Variants in MGAM observed in about 807,000 individuals in gnomAD.
The protein encoded by MGAM is maltase-glucoamylase.
Under a neutral mutation model 358.8 loss-of-function variants are expected in MGAM, and 253 were observed. The observed-to-expected ratio is 0.71, with a 90% CI of 0.64 to 0.78. The LOEUF is 0.78. Ranked by LOEUF, MGAM falls within the 30% of genes least tolerant of loss-of-function variation. MGAM has a pLI of 0.00. For synonymous variants in MGAM, 1,105 were observed against 1,227.1 expected (o/e 0.90, Z 2.08); for missense variants, 3,080 against 3,432.6 (o/e 0.90, Z 2.57).
chr7:142,040,952 G>A, intron 21 of MGAM, 106 bp downstream of exon 21: 1 of 1,356,020 alleles, frequency 7.4e-7, no homozygotes, highest in East Asian at 2.5e-5. Flanking sequence ...TCTTTGGTTT[G>A]GCCACGACTG....
intron 21 of MGAM, among the ~76,000 whole-genome samples, chr7:142,045,159 TATA>T (rs1809926800): frequency 2.8e-5 from 3 of 107,278 alleles, no homozygotes; most frequent in African/African-American, 1.1e-4. Flanking sequence ...ATATGTGATA[TATA>T]ATATATATAT....
At chr7:142,022,059 G>C (rs539433405) in intron 6 of MGAM, among the ~76,000 whole-genome samples, 9 of 152,124 alleles carry the variant, frequency 5.9e-5, no homozygotes, top group African/African-American at 1.9e-4. Context: ...GTCTGGTCTG[G>C]GAGACTAATG....
At chr7:142,069,095 T>C (rs73524513) in intron 43 of MGAM, among the ~76,000 whole-genome samples, 2,986 of 146,552 alleles carry the variant, frequency 0.02, 173 homozygotes, top group African/African-American at 0.067. Flanking sequence ...TGTAAGTTTG[T>C]AAGCATAGAG....
At chr7:142,012,001 C>T (rs148197804) in intron 3 of MGAM, among the ~76,000 whole-genome samples, 6 of 152,238 alleles carry the variant, frequency 3.9e-5, no homozygotes, top group African/African-American at 7.2e-5. Flanking sequence ...TTTATTCATT[C>T]GTTAGTTCAA....
In MGAM at chr7:142,052,858, T is replaced by G. The variant is rs2960743; in HGVS notation, c.3033T>G (p.Asn1011Lys). The G allele has an allele frequency of 6.2e-7, 1 of 1,613,888 alleles. No homozygotes were observed. The highest frequency in any genetic ancestry group is 1.1e-5 in the South Asian group (1 of 91,074). ...ACTCTGTCAGTGATGTTCAGTATAA[T>G]TCCCATGGGGCCACAGCTGACATCT... ...DLYSVSDVQY[N>K]SHGATADISL... Residue 1011 changes from asparagine to lysine, a missense_variant, in exon 26 of 71, where the codon AAT becomes AAG. Physicochemically the swap from Asn to Lys is moderately conservative, Grantham distance 94 (BLOSUM62 0). Transcript: ENST00000475668.
At chr7:142,065,224 T>C in intron 37 of MGAM, 111 bp from the exon 38 acceptor site, 2 of 1,432,542 alleles carry the variant, frequency 1.4e-6, no homozygotes, top group Non-Finnish European at 1.9e-6. Context: ...CCATGTTCCC[T>C]CCAGTCACGC....
chr7:142,068,716 GA>G lies in MGAM; in HGVS notation c.5061+15del. On this transcript the variant is annotated intron_variant, in intron 43 of 70. Transcript: ENST00000475668. ...CGATTACTACACGGTAAGTTTTTCTGAATGTTTATATAACACGGGAATGTGG... is the reference window on the plus strand; with the variant it reads ...CGATTACTACACGGTAAGTTTTTCTGATGTTTATATAACACGGGAATGTGG... 1 of 1,492,118 alleles carries G rather than the reference GA, an allele frequency of 6.7e-7. No homozygotes were observed. The allele number at this position is 1,492,118 out of a possible 1,614,324, so 92.4% of individuals were successfully genotyped here.
chr7:142,071,225 C>T lies in MGAM; in HGVS notation c.5186+107C>T, dbSNP rs1351101232. 1.7e-5 allele frequency: 22 copies of T among 1,260,722 alleles called. 3 individuals carry two copies. The highest frequency in any genetic ancestry group is 1.0e-4 in the East Asian group (4 of 39,068). 78.1% of individuals were successfully genotyped at this position (1,260,722 alleles called of 1,614,324 possible). A position where few individuals can be genotyped will look rare whatever the true frequency, so the allele number is the denominator to read the frequency against. On this transcript the variant is annotated intron_variant, in intron 44 of 70. Transcript: ENST00000475668. ...ACTTTCAAACCCACATGCAATTCTACTCAACACTTGTTTTTTCTTTGTTTT... is the reference window on the plus strand; with the variant it reads ...ACTTTCAAACCCACATGCAATTCTATTCAACACTTGTTTTTTCTTTGTTTT...
At chr7:142,038,143 A>G (rs1808159557) in intron 18 of MGAM, among the ~76,000 whole-genome samples, 1 of 152,080 alleles carries the variant, frequency 6.6e-6, no homozygotes. Context: ...AGGTGAAAAC[A>G]TGTGATGTTT....
Position 142,094,146 on chromosome 7 carries a change from T to C in MGAM, c.7173-218T>C, listed in dbSNP as rs1405067809. ...CTATTTTTGGGGCACTCCAGTGAGTTTGCTACAGTGAAGTTCTTTGTAAAG... is the reference window on the plus strand; with the variant it reads ...CTATTTTTGGGGCACTCCAGTGAGTCTGCTACAGTGAAGTTCTTTGTAAAG... On this transcript the variant is annotated intron_variant, in intron 60 of 70. Coordinates refer to ENST00000475668, the MANE Select transcript of MGAM (RefSeq NM_001365693.1). Among the ~76,000 whole-genome samples, 2 of 145,888 alleles carry C rather than the reference T, an allele frequency of 1.4e-5. 1 individual carries two copies.
At chr7:141,996,922 C>T (rs145661553) in intron 1 of MGAM, among the ~76,000 whole-genome samples, 3 of 151,506 alleles carry the variant, frequency 2.0e-5, no homozygotes, top group Non-Finnish European at 2.9e-5. Context: ...TGGGAGTGCT[C>T]GTGGGAAGAG....
At chr7:142,053,848 C>T (rs1009707264) in intron 26 of MGAM, among the ~76,000 whole-genome samples, 1 of 152,150 alleles carries the variant, frequency 6.6e-6, no homozygotes. Flanking sequence ...TTTGTACCCT[C>T]CTTGTAACAC....
chr7:142,047,991 C>T, intron 22 of MGAM, 118 bp downstream of exon 22: 1 of 793,650 alleles, frequency 1.3e-6, no homozygotes, highest in East Asian at 2.7e-5. Context: ...TAGCAAGAGT[C>T]ACTTAAGTAT....
chr7:142,100,741 A>C (rs1291675870), intron 67 of MGAM, 61 bp from the exon 68 acceptor site: 3 of 1,407,026 alleles, frequency 2.1e-6, no homozygotes, highest in Non-Finnish European at 3.0e-6. Flanking sequence ...TTGTATGTAA[A>C]GTCTTGGTTT....
chr7:142,037,702 G>C (rs1368450701), intron 18 of MGAM, among the ~76,000 whole-genome samples: 1 of 152,102 alleles, frequency 6.6e-6, no homozygotes, highest in African/African-American at 2.4e-5. Flanking sequence ...ATCAGATCCA[G>C]TTTCTTGATA....
chr7:142,008,161 G>T (rs1199451321), intron 2 of MGAM, among the ~76,000 whole-genome samples: 1 of 152,180 alleles, frequency 6.6e-6, no homozygotes, highest in African/African-American at 2.4e-5. Context: ...TGTAAAACAG[G>T]CTTTGACTTA....
At chr7:142,060,850 A>G (rs902635939) in intron 34 of MGAM, among the ~76,000 whole-genome samples, 9 of 152,126 alleles carry the variant, frequency 5.9e-5, no homozygotes, top group African/African-American at 2.2e-4. Flanking sequence ...AGGTGTCTCC[A>G]TCTTCATACT....
chr7:142,033,337 A>T (rs895241257), intron 14 of MGAM, among the ~76,000 whole-genome samples: 23 of 152,342 alleles, frequency 1.5e-4, no homozygotes, highest in African/African-American at 5.5e-4. Flanking sequence ...ATGAAAAGAC[A>T]GAACTCATGA....
intron 40 of MGAM, 110 bp from the exon 41 acceptor site, chr7:142,066,463 C>A: frequency 7.9e-7 from 1 of 1,270,952 alleles, no homozygotes; most frequent in East Asian, 2.5e-5. Flanking sequence ...GTATAGTTTT[C>A]TTTTGTTTAG....
Sources: gnomAD v4.1 joint callset for allele counts (sites outside exome capture counted in the v4.1 genomes callset) on GRCh38, gnomAD v4.1.1 for gene constraint, MANE v1.5 for transcripts, NCBI Gene and HGNC (gene_info 2026-07-23, HGNC 2026-07-21) for gene names.